Variants in DLGAP2 observed in about 807,000 individuals in gnomAD.
The protein encoded by DLGAP2 is DLG associated protein 2.
Under a neutral mutation model 100.3 loss-of-function variants are expected in DLGAP2, and 26 were observed. The ratio of observed to expected loss-of-function variants is 0.26; its 90% CI spans 0.19 to 0.36. The LOEUF is 0.36. Ranked by LOEUF, DLGAP2 falls within the 10% of genes least tolerant of loss-of-function variation. The pLI is 1.00. For missense variants in DLGAP2, 1,858 were observed against 1,453.2 expected (o/e 1.28, Z -4.53); for synonymous variants, 886 against 630.1 (o/e 1.41, Z -6.08).
intron 3 of DLGAP2, among the ~76,000 whole-genome samples, chr8:1,272,151 A>G (rs150639289): frequency 6.6e-6 from 1 of 152,204 alleles, no homozygotes; most frequent in Admixed American, 6.5e-5. Flanking sequence ...TTCTCAAATA[A>G]AAAATAAGAA....
chr8:1,040,490 G>A (rs551925261), intron 2 of DLGAP2, among the ~76,000 whole-genome samples: 17 of 147,516 alleles, frequency 1.2e-4, no homozygotes, highest in East Asian at 2.0e-4. Context: ...CTCGGTTTCC[G>A]TGGTCGTCTC....
At chr8:846,860 G>T (rs148187489) in intron 1 of DLGAP2, among the ~76,000 whole-genome samples, 1 of 152,190 alleles carries the variant, frequency 6.6e-6, no homozygotes, top group Admixed American at 6.5e-5. Flanking sequence ...GATGAGTGAT[G>T]TTGAGCACAT....
In DLGAP2 at chr8:986,642, C is replaced by T. The variant is rs1800494528; in HGVS notation, c.73+78676C>T. Among the ~76,000 whole-genome samples the T allele has an allele frequency of 1.3e-5, 2 of 149,982 alleles. 1 individual carries two copies. The highest frequency in any genetic ancestry group is 4.2e-4 in the South Asian group (2 of 4,738). ...TAATGTATTTACTGGGCACCCACTG[C>T]ATGTCAAACACTGTATTTGATTTTT... On this transcript the variant is annotated intron_variant, in intron 2 of 14. Transcript: ENST00000637795.
intron 2 of DLGAP2, among the ~76,000 whole-genome samples, chr8:929,711 G>A (rs1395728899): frequency 7.5e-6 from 1 of 134,148 alleles, no homozygotes; most frequent in Non-Finnish European, 1.6e-5. Flanking sequence ...CCACACCGCG[G>A]TACTCAAGCA....
At chr8:1,105,464 C>T (rs546207199) in intron 2 of DLGAP2, among the ~76,000 whole-genome samples, 24 of 152,086 alleles carry the variant, frequency 1.6e-4, no homozygotes, top group African/African-American at 5.1e-4. Flanking sequence ...GGTTCTGGTC[C>T]GTGTTTCTCT....
chr8:911,871 TAAGCAGGGA>T (rs1292216730), intron 2 of DLGAP2, among the ~76,000 whole-genome samples: 2 of 152,256 alleles, frequency 1.3e-5, no homozygotes, highest in East Asian at 3.8e-4. Context: ...CAGTGAGATC[TAAGCAGGGA>T]AAACTTTGGG....
chr8:1,553,440 C>A (rs979473694), intron 5 of DLGAP2, among the ~76,000 whole-genome samples: 2 of 152,128 alleles, frequency 1.3e-5, no homozygotes, highest in African/African-American at 4.8e-5. Flanking sequence ...GGCAGCAGCC[C>A]TGTTTTATTC....
intron 3 of DLGAP2, among the ~76,000 whole-genome samples, chr8:1,316,600 C>T (rs1800756947): frequency 2.8e-5 from 4 of 142,244 alleles, no homozygotes; most frequent in African/African-American, 8.0e-5. Flanking sequence ...AGACACTCGG[C>T]AGCGTTTAAA....
chr8:1,325,470 A>G (rs1801000108), intron 3 of DLGAP2, among the ~76,000 whole-genome samples: 1 of 152,176 alleles, frequency 6.6e-6, no homozygotes, highest in Non-Finnish European at 1.5e-5. Flanking sequence ...ACTGCCTCCC[A>G]TGGTTTCAAG....
At position 1,607,717 on chromosome 8, in the gene DLGAP2, G is replaced by A. The variant is rs61215869; in HGVS notation, c.1443-19023G>A. ...GCGAGCCGAAGCAGGGCGAGGCATT[G>A]CCTCACCTGGGAAGCGCAAGGGGTC... On this transcript the variant is annotated intron_variant, in intron 6 of 14. Transcript: ENST00000637795. 9.5e-3 allele frequency among the ~76,000 whole-genome samples: 1,454 copies of A among 152,324 alleles called. 11 individuals carry two copies. The highest frequency in any genetic ancestry group is 0.033 in the African/African-American group (1,377 of 41,554).
intron 2 of DLGAP2, among the ~76,000 whole-genome samples, chr8:1,218,153 A>T (rs1190203144): frequency 6.6e-6 from 1 of 152,158 alleles, no homozygotes; most frequent in East Asian, 1.9e-4. Flanking sequence ...GGCATCATAC[A>T]ATGTTTGCCA....
At chr8:1,522,831 AT>A (rs1800654241) in intron 4 of DLGAP2, among the ~76,000 whole-genome samples, 1 of 152,236 alleles carries the variant, frequency 6.6e-6, no homozygotes, top group African/African-American at 2.4e-5. Context: ...TAATAGCCTC[AT>A]GGGATATCAA....
intron 1 of DLGAP2, among the ~76,000 whole-genome samples, chr8:898,577 GT>G (rs1798191289): frequency 6.6e-6 from 1 of 152,160 alleles, no homozygotes; most frequent in Non-Finnish European, 1.5e-5. Flanking sequence ...GAAGCCGCAG[GT>G]TTGGACGTGG....
intron 14 of DLGAP2, 59 bp downstream of exon 14, chr8:1,697,358 A>ATAGTG: frequency 1.3e-6 from 2 of 1,529,280 alleles, no homozygotes; most frequent in Non-Finnish European, 8.8e-7. Context: ...TGCACTAACG[A>ATAGTG]CCTGCTGCAG....
At chr8:1,103,007 C>T (rs898368087) in intron 2 of DLGAP2, among the ~76,000 whole-genome samples, 1 of 150,950 alleles carries the variant, frequency 6.6e-6, no homozygotes, top group African/African-American at 2.4e-5. Context: ...CTGTGGTTCC[C>T]TATGAGTCTC....
At chr8:859,757 C>G (rs998122875) in intron 1 of DLGAP2, among the ~76,000 whole-genome samples, 3 of 152,128 alleles carry the variant, frequency 2.0e-5, no homozygotes, top group African/African-American at 7.2e-5. Context: ...TCTCCAGGGC[C>G]TTGGTTATTC....
At chr8:1,697,008 A>T in intron 13 of DLGAP2, 139 bp from the exon 14 acceptor site, 2 of 912,522 alleles carry the variant, frequency 2.2e-6, no homozygotes, top group Non-Finnish European at 3.0e-6. Flanking sequence ...GGCCTTCCCA[A>T]GTATCTGCCT....
intron 2 of DLGAP2, among the ~76,000 whole-genome samples, chr8:1,124,443 A>G (rs1439745076): frequency 1.3e-5 from 2 of 152,212 alleles, no homozygotes; most frequent in Non-Finnish European, 2.9e-5. Flanking sequence ...AAGCTGGGCC[A>G]CTTAAGTAAG....
At chr8:972,203 C>T (rs532842599) in intron 2 of DLGAP2, among the ~76,000 whole-genome samples, 1 of 152,328 alleles carries the variant, frequency 6.6e-6, no homozygotes, top group South Asian at 2.1e-4. Context: ...CCTAAAGTTT[C>T]ATTTATCTTA....
Sources: allele counts gnomAD v4.1 joint callset (sites outside exome capture counted in the v4.1 genomes callset), GRCh38; gene constraint gnomAD v4.1.1; transcripts MANE v1.5; gene names NCBI Gene and HGNC (gene_info 2026-07-23, HGNC 2026-07-21).